RANBP2: variants seen among roughly 807,000 people sequenced by gnomAD.
RANBP2 encodes the protein E3 SUMO-protein ligase RanBP2.
RANBP2 carries 57 observed loss-of-function variants against 303.6 expected under a neutral mutation model. The ratio of observed to expected loss-of-function variants is 0.19; its 90% CI spans 0.15 to 0.23. The LOEUF (loss-of-function observed/expected upper bound fraction) is 0.23. RANBP2 is among the 10% of genes least tolerant of loss of function. RANBP2 has a pLI of 1.00. For synonymous variants in RANBP2, 1,167 were observed against 1,301.5 expected (o/e 0.90, Z 2.23); for missense variants, 3,138 against 3,780.8 (o/e 0.83, Z 4.46).
the RANBP2 span, chr2:109,585,239 GC>G: frequency 1.9e-6 from 3 of 1,612,240 alleles, no homozygotes; most frequent in African/African-American, 2.7e-5. Flanking sequence ...TAACATTTGG[GC>G]AAAAATGTGA....
At chr2:109,113,562 C>A in the RANBP2 span, among the ~76,000 whole-genome samples, 46 of 152,168 alleles carry the variant, frequency 3.0e-4, no homozygotes, top group African/African-American at 1.1e-3. Context: ...TCTAGATATA[C>A]AATCATGTCA....
chr2:109,120,667 CAAAAAAAAA>C, the RANBP2 span, among the ~76,000 whole-genome samples: 1 of 59,894 alleles, frequency 1.7e-5, no homozygotes, highest in Non-Finnish European at 3.2e-5. Context: ...AACTCCGTCT[CAAAAAAAAA>C]AAAAAAAAAA....
At chr2:109,534,018 G>A in the RANBP2 span, among the ~76,000 whole-genome samples, 1 of 152,168 alleles carries the variant, frequency 6.6e-6, no homozygotes, top group Non-Finnish European at 1.5e-5. Flanking sequence ...TGCCAGAAGC[G>A]GGTGAGCGGC....
chr2:108,951,272 CAT>C, the RANBP2 span, among the ~76,000 whole-genome samples: 1 of 152,162 alleles, frequency 6.6e-6, no homozygotes, highest in Non-Finnish European at 1.5e-5. Context: ...AGGCCAATGC[CAT>C]GTAATTCCAA....
chr2:108,963,663 G>A, the RANBP2 span, among the ~76,000 whole-genome samples: 11 of 152,318 alleles, frequency 7.2e-5, no homozygotes, highest in East Asian at 1.9e-4. Flanking sequence ...CAAGAGCCAG[G>A]AGCCCTTTCA....
chr2:109,565,783 T>C, the RANBP2 span: 2 of 1,613,880 alleles, frequency 1.2e-6, no homozygotes, highest in Admixed American at 1.7e-5. Flanking sequence ...ACCCCAAGGG[T>C]ACTGGCGAGC....
At chr2:109,239,803 C>T in the RANBP2 span, among the ~76,000 whole-genome samples, 2 of 152,190 alleles carry the variant, frequency 1.3e-5, no homozygotes, top group African/African-American at 2.4e-5. Context: ...GGGTGTTTCA[C>T]GGCCACCTGC....
chr2:109,138,448 C>G, the RANBP2 span, among the ~76,000 whole-genome samples: 59 of 152,234 alleles, frequency 3.9e-4, 1 homozygote, highest in Non-Finnish European at 7.3e-4. Flanking sequence ...GCTGTTGTTG[C>G]TGGGACTTCA....
At chr2:109,703,775 A>G in the RANBP2 span, among the ~76,000 whole-genome samples, 76 of 152,300 alleles carry the variant, frequency 5.0e-4, no homozygotes, top group Non-Finnish European at 2.6e-4. Context: ...TTGTTTTTCC[A>G]GCTGAGCCTT....
At chr2:108,925,020 C>G in the RANBP2 span, among the ~76,000 whole-genome samples, 1 of 152,234 alleles carries the variant, frequency 6.6e-6, no homozygotes, top group Non-Finnish European at 1.5e-5. Flanking sequence ...CTCACTTCCT[C>G]GCCCTTGCCT....
chr2:108,786,661 A>G (rs1276222808), downstream of RANBP2: 2 of 640,854 alleles, frequency 3.1e-6, no homozygotes, highest in Non-Finnish European at 5.5e-6. Context: ...CGCGCTGACA[A>G]GCCGGGCTGC....
At chr2:109,616,239 T>G in the RANBP2 span, 1 of 1,065,056 alleles carries the variant, frequency 9.4e-7, no homozygotes, top group Non-Finnish European at 1.2e-6. Context: ...AAAGTGGATG[T>G]CTTTTTCAGA....
chr2:109,455,804 C>T, the RANBP2 span, among the ~76,000 whole-genome samples: 1 of 152,222 alleles, frequency 6.6e-6, no homozygotes, highest in Non-Finnish European at 1.5e-5. Context: ...TCCAGGTTTA[C>T]CAGTGCCATT....
At chr2:109,312,239 C>T in the RANBP2 span, among the ~76,000 whole-genome samples, 2 of 152,156 alleles carry the variant, frequency 1.3e-5, no homozygotes, top group Non-Finnish European at 2.9e-5. Flanking sequence ...GCCAGAGGGA[C>T]AAATGTACCT....
the RANBP2 span, among the ~76,000 whole-genome samples, chr2:109,694,809 G>A: frequency 6.9e-6 from 1 of 144,114 alleles, no homozygotes; most frequent in Non-Finnish European, 1.5e-5. Context: ...GGATGTGTGT[G>A]TGTGTGTGTG....
chr2:108,978,170 G>C, the RANBP2 span, among the ~76,000 whole-genome samples: 1 of 152,262 alleles, frequency 6.6e-6, no homozygotes, highest in Admixed American at 6.5e-5. Context: ...TACAGGGCCT[G>C]CTGAGCTACG....
At chr2:109,226,506 G>A in the RANBP2 span, among the ~76,000 whole-genome samples, 6 of 152,260 alleles carry the variant, frequency 3.9e-5, no homozygotes, top group South Asian at 1.0e-3. Flanking sequence ...AAAATAAACT[G>A]TAGCAACCAC....
chr2:108,812,894 A>T, the RANBP2 span: 12 of 1,613,786 alleles, frequency 7.4e-6, no homozygotes, highest in South Asian at 1.1e-5. Context: ...AAAGTTTAAA[A>T]CAAGAAAAAG....
the RANBP2 span, among the ~76,000 whole-genome samples, chr2:109,507,593 G>C: frequency 7.2e-5 from 11 of 152,184 alleles, no homozygotes; most frequent in Admixed American, 6.5e-4. Flanking sequence ...TACCCAGCCT[G>C]TGGCTCCAGA....
Sources: allele counts gnomAD v4.1 joint callset (sites outside exome capture counted in the v4.1 genomes callset), GRCh38; gene constraint gnomAD v4.1.1; transcripts MANE v1.5; gene names NCBI Gene and HGNC (gene_info 2026-07-23, HGNC 2026-07-21).